Variants in ANKRD27 observed in about 807,000 individuals in gnomAD.
ANKRD27 encodes ankyrin repeat domain-containing protein 27.
In ANKRD27, 112 loss-of-function variants were observed where a neutral mutation model predicts 129.7. The ratio of observed to expected loss-of-function variants is 0.86; its 90% CI spans 0.74 to 1.01. The LOEUF is 1.01. Ranked by LOEUF, ANKRD27 falls within the 50% of genes least tolerant of loss-of-function variation. ANKRD27 has a pLI of 0.00. For synonymous variants in ANKRD27, 516 were observed against 511.2 expected (o/e 1.01, Z -0.13); for missense variants, 1,258 against 1,300.5 (o/e 0.97, Z 0.50).
At chr19:32,657,735 A>G (rs535349904) in intron 2 of ANKRD27, among the ~76,000 whole-genome samples, 55 of 152,068 alleles carry the variant, frequency 3.6e-4, no homozygotes, top group African/African-American at 1.3e-3. Flanking sequence ...GCACTTTGGG[A>G]GGCCGAGGTG....
intron 1 of ANKRD27, among the ~76,000 whole-genome samples, 182 bp from the exon 2 acceptor site, chr19:32,659,227 G>A (rs901238226): frequency 7.0e-5 from 10 of 143,862 alleles, no homozygotes; most frequent in Non-Finnish European, 1.2e-4. Context: ...GACTACAGGC[G>A]CCCACCACCA....
In ANKRD27 at chr19:32,599,693, T is replaced by G; in HGVS notation, c.2919+11A>C. 1 of 1,609,834 alleles carries G rather than the reference T, an allele frequency of 6.2e-7. No individual in the cohort carries two copies. Among genetic ancestry groups the G allele is most frequent in the Non-Finnish European group, 8.5e-7 (1 of 1,178,618 alleles). ...GAAAATATGATTAAAAGCCAGTGTT[T>G]AATAACTTACCTCATGCAAAGAACC... On this transcript the variant is annotated intron_variant, in intron 28 of 28. Transcript: ENST00000306065.
intron 15 of ANKRD27, 124 bp from the exon 16 acceptor site, chr19:32,626,951 T>C: frequency 3.4e-6 from 2 of 595,556 alleles, no homozygotes; most frequent in Non-Finnish European, 2.9e-6. Flanking sequence ...GTAGATACTT[T>C]TTCTGCTAGA....
intron 1 of ANKRD27, among the ~76,000 whole-genome samples, chr19:32,664,050 T>C (rs1317299726): frequency 1.2e-5 from 1 of 81,614 alleles, no homozygotes; most frequent in Non-Finnish European, 2.4e-5. Flanking sequence ...AGCGAGACTC[T>C]GTCTCAAAAA....
chr19:32,660,866 T>G (rs1462677430), intron 1 of ANKRD27, among the ~76,000 whole-genome samples: 1 of 150,108 alleles, frequency 6.7e-6, no homozygotes, highest in African/African-American at 2.5e-5. Flanking sequence ...TTGTTGGCCT[T>G]TTTCTTAGGA....
chr19:32,628,268 C>G, intron 14 of ANKRD27, 103 bp from the exon 15 acceptor site: 2 of 894,900 alleles, frequency 2.2e-6, no homozygotes, highest in Non-Finnish European at 3.5e-6. Context: ...AGGCGGCTCA[C>G]AGGATGCCAC....
intron 3 of ANKRD27, 62 bp downstream of exon 3, chr19:32,649,620 C>T: frequency 8.9e-7 from 1 of 1,125,608 alleles, no homozygotes; most frequent in Non-Finnish European, 1.4e-6. Flanking sequence ...GGACTCTCTT[C>T]CTCCCCTCTG....
At chr19:32,615,875 G>T in intron 21 of ANKRD27, 95 bp from the exon 22 acceptor site, 1 of 1,509,820 alleles carries the variant, frequency 6.6e-7, no homozygotes, top group Non-Finnish European at 8.9e-7. Context: ...CCCAATCAGG[G>T]CCCACGCTTC....
intron 10 of ANKRD27, among the ~76,000 whole-genome samples, chr19:32,641,614 G>T (rs1020101265): frequency 6.6e-6 from 1 of 152,010 alleles, no homozygotes; most frequent in African/African-American, 2.4e-5. Flanking sequence ...TGGCTAAACA[G>T]CTATCCCCCA....
At chr19:32,653,313 G>A (rs80228273) in intron 2 of ANKRD27, among the ~76,000 whole-genome samples, 18 of 152,092 alleles carry the variant, frequency 1.2e-4, no homozygotes, top group African/African-American at 2.4e-4. Flanking sequence ...CTAGGCCCCC[G>A]GAGCCTACTT....
chr19:32,625,520 T>G (rs1273745375), intron 17 of ANKRD27, among the ~76,000 whole-genome samples: 1 of 150,434 alleles, frequency 6.6e-6, no homozygotes, highest in Non-Finnish European at 1.5e-5. Context: ...AACCTCCACC[T>G]CCCAGGTTCA....
chr19:32,634,620 T>TA, intron 12 of ANKRD27, among the ~76,000 whole-genome samples: 2 of 152,140 alleles, frequency 1.3e-5, no homozygotes, highest in East Asian at 3.9e-4. Context: ...TCTGAGCCTA[T>TA]AGGAGTGGAC....
In ANKRD27 at chr19:32,599,954, C is replaced by T. The variant is rs1407104905; in HGVS notation, c.2846+18G>A. ...CTAGGGGCAAAAGCACAGAAATCAA[C>T]TTGAGTTTCATACTCACTTAAACTG... On this transcript the variant is annotated intron_variant, in intron 27 of 28. Transcript: ENST00000306065. The T allele has an allele frequency of 6.2e-7, 1 of 1,603,600 alleles. No homozygotes were observed. Among genetic ancestry groups the T allele is most frequent in the African/African-American group, 1.3e-5 (1 of 74,736 alleles).
intron 1 of ANKRD27, among the ~76,000 whole-genome samples, chr19:32,669,206 T>C (rs908230847): frequency 6.6e-6 from 1 of 152,196 alleles, no homozygotes; most frequent in African/African-American, 2.4e-5. Flanking sequence ...CAGAACTGTC[T>C]TGGCTGCAGG....
intron 12 of ANKRD27, among the ~76,000 whole-genome samples, chr19:32,632,184 G>A (rs1187086420): frequency 6.6e-6 from 1 of 152,082 alleles, no homozygotes; most frequent in Non-Finnish European, 1.5e-5. Context: ...AGTTACTTGG[G>A]AGGCTGAGGC....
chr19:32,622,608 A>G lies in ANKRD27; in HGVS notation c.1641T>C (p.Ala547=), dbSNP rs1167671906. Residue 547 remains alanine, a synonymous_variant, in exon 18 of 29, where the codon GCT becomes GCC. Coordinates refer to ENST00000306065, the MANE Select transcript of ANKRD27 (RefSeq NM_032139.3). ...ACGACTCCACGTCGTAGTAAACCAG[A>G]GCCTTCACACACTGCAAAGAGATGG... ...CTYGHEDCVK[A]LVYYDVESCR... 1.9e-6 allele frequency: 3 copies of G among 1,613,414 alleles called. No homozygotes were observed. Among genetic ancestry groups the G allele is most frequent in the Non-Finnish European group, 2.5e-6 (3 of 1,180,004 alleles).
At chr19:32,617,692 A>C (rs1439864728) in intron 20 of ANKRD27, 59 bp from the exon 21 acceptor site, 7 of 667,814 alleles carry the variant, frequency 1.0e-5, no homozygotes, top group Admixed American at 4.7e-5. Flanking sequence ...TAATAATAGA[A>C]ATAATATAAA....
intron 18 of ANKRD27, 59 bp downstream of exon 18, chr19:32,622,363 G>A: frequency 2.5e-6 from 4 of 1,581,612 alleles, no homozygotes; most frequent in Non-Finnish European, 2.6e-6. Flanking sequence ...CAAGACCTAA[G>A]CTACGGACAT....
At position 32,643,319 on chromosome 19, in the gene ANKRD27, A is replaced by G; in HGVS notation, c.673T>C (p.Phe225Leu). The G allele has an allele frequency of 6.2e-7, 1 of 1,614,026 alleles. No homozygotes were observed. The highest frequency in any genetic ancestry group is 1.1e-5 in the South Asian group (1 of 91,076). Reference protein sequence around the residue: ...YVHHEIYNLIFKYVGTMEASE... With the variant: ...YVHHEIYNLILKYVGTMEASE... ...GCCTCCATGGTCCCCACGTATTTAA[A>G]GATCAGGTTGTAAATTTCATGATGG... Residue 225 changes from phenylalanine to leucine, a missense_variant, in exon 8 of 29, where the codon TTT (phenylalanine) becomes CTT (leucine). Phe to Leu is a conservative substitution (Grantham distance 22). Coordinates refer to ENST00000306065, the MANE Select transcript of ANKRD27 (RefSeq NM_032139.3).
Sources: allele counts gnomAD v4.1 joint callset (sites outside exome capture counted in the v4.1 genomes callset), GRCh38; gene constraint gnomAD v4.1.1; transcripts MANE v1.5; gene names NCBI Gene and HGNC (gene_info 2026-07-23, HGNC 2026-07-21).